Variants in NDST3 observed in about 807,000 individuals in gnomAD.
NDST3 encodes the protein bifunctional heparan sulfate N-deacetylase/N-sulfotransferase 3.
Under a neutral mutation model 96.1 loss-of-function variants are expected in NDST3, and 58 were observed. The ratio of observed to expected loss-of-function variants is 0.60; its 90% CI spans 0.49 to 0.75. NDST3 has a LOEUF of 0.75. Among genes scored for constraint, NDST3 ranks in the 30% least tolerant of loss-of-function variants. The pLI, the probability that NDST3 is intolerant of heterozygous loss-of-function variation, is 0.00. For missense variants in NDST3, 788 were observed against 1,034.2 expected, an observed-to-expected ratio of 0.76 and a Z score of 3.27; for synonymous variants, 333 against 359.7, an observed-to-expected ratio of 0.93 and a Z score of 0.84.
intron 4 of NDST3, among the ~76,000 whole-genome samples, chr4:118,126,988 T>C (rs1275366534): frequency 6.6e-6 from 1 of 152,106 alleles, no homozygotes; most frequent in Non-Finnish European, 1.5e-5. Context: ...CATTTGTATG[T>C]ATTCTTTTGA....
intron 12 of NDST3, among the ~76,000 whole-genome samples, chr4:118,251,125 A>ATTTTTTTTTTTTTTTTTTTTTTTT (rs370800744): frequency 8.9e-6 from 1 of 111,742 alleles, no homozygotes. Context: ...TATTATTTTT[A>ATTTTTTTTTTTTTTTTTTTTTTTT]TTTTATTTTT....
Position 118,240,440 on chromosome 4 carries a change from C to T in NDST3, c.2119-84C>T, listed in dbSNP as rs914083076. 6.6e-6 allele frequency: 8 copies of T among 1,208,678 alleles called. No individual in the cohort carries two copies. In the African/African-American group the frequency reaches 1.2e-4, roughly 18 times the overall value. 74.9% of individuals were successfully genotyped at this position (1,208,678 alleles called of 1,614,324 possible). ...AGCAGTGAGGCACTTCTTTCTTTAG[C>T]TTTGAGACTTGTCACAAAGATTGAT... On this transcript the variant is annotated intron_variant, in intron 10 of 13. Transcript: ENST00000296499.
intron 6 of NDST3, among the ~76,000 whole-genome samples, chr4:118,173,159 T>C (rs1426098454): frequency 6.6e-6 from 1 of 151,858 alleles, no homozygotes; most frequent in African/African-American, 2.4e-5. Flanking sequence ...TGTGTGTATA[T>C]ATATATATGA....
intron 3 of NDST3, among the ~76,000 whole-genome samples, chr4:118,113,649 A>G (rs967557970): frequency 6.6e-6 from 1 of 152,192 alleles, no homozygotes; most frequent in Admixed American, 6.5e-5. Context: ...GGTTTAGTTG[A>G]CTGGTCCAGG....
At chr4:118,094,592 C>A (rs554334767) in intron 2 of NDST3, among the ~76,000 whole-genome samples, 1 of 151,804 alleles carries the variant, frequency 6.6e-6, no homozygotes, top group Admixed American at 6.6e-5. Flanking sequence ...CCTTTAGTTA[C>A]CCTATACAAA....
intron 12 of NDST3, 91 bp downstream of exon 12, chr4:118,242,240 T>C: frequency 1.3e-6 from 1 of 795,398 alleles, no homozygotes. Flanking sequence ...GTCAGGTTAC[T>C]TGTTCCTTAT....
At chr4:118,218,314 T>C (rs2125990758) in intron 6 of NDST3, among the ~76,000 whole-genome samples, 1 of 152,140 alleles carries the variant, frequency 6.6e-6, no homozygotes, top group East Asian at 1.9e-4. Context: ...ACAAACCAGA[T>C]CCAGCAGCAC....
intron 6 of NDST3, among the ~76,000 whole-genome samples, chr4:118,215,660 G>A (rs1477579807): frequency 6.6e-6 from 1 of 152,090 alleles, no homozygotes; most frequent in African/African-American, 2.4e-5. Context: ...GAAAACAGAG[G>A]AATATGTGAT....
intron 12 of NDST3, among the ~76,000 whole-genome samples, chr4:118,243,404 G>A (rs1741125905): frequency 6.6e-6 from 1 of 152,160 alleles, no homozygotes; most frequent in Non-Finnish European, 1.5e-5. Context: ...GCAGTTTTGA[G>A]CTTCCTTCCT....
chr4:118,133,478 C>T (rs1452007331), intron 4 of NDST3, among the ~76,000 whole-genome samples: 2 of 152,204 alleles, frequency 1.3e-5, no homozygotes, highest in African/African-American at 4.8e-5. Flanking sequence ...AAGACTGTCT[C>T]TCCAACCCTC....
chr4:118,244,652 G>A (rs1020779874), intron 12 of NDST3, among the ~76,000 whole-genome samples: 1 of 152,126 alleles, frequency 6.6e-6, no homozygotes, highest in East Asian at 1.9e-4. Flanking sequence ...GTGTGAAAGA[G>A]TACTCCAATT....
At chr4:118,041,749 C>A (rs1724478163) in intron 1 of NDST3, among the ~76,000 whole-genome samples, 1 of 152,164 alleles carries the variant, frequency 6.6e-6, no homozygotes, top group Admixed American at 6.5e-5. Flanking sequence ...CGAACATATT[C>A]ATCACTATAC....
chr4:118,171,386 C>A (rs1002650216), intron 6 of NDST3, among the ~76,000 whole-genome samples: 1 of 152,208 alleles, frequency 6.6e-6, no homozygotes, highest in Non-Finnish European at 1.5e-5. Context: ...TGCTCAGCTT[C>A]AATCTTACCT....
chr4:118,158,228 T>C (rs1340491235), intron 6 of NDST3, among the ~76,000 whole-genome samples: 4 of 152,170 alleles, frequency 2.6e-5, no homozygotes, highest in Admixed American at 6.6e-5. Flanking sequence ...TTCTAAATAC[T>C]ATTTCTCCCC....
chr4:118,186,313 G>A (rs533513097), intron 6 of NDST3, among the ~76,000 whole-genome samples: 1 of 152,158 alleles, frequency 6.6e-6, no homozygotes, highest in South Asian at 2.1e-4. Context: ...CTCTGTATTA[G>A]TCAGAGTTCT....
At chr4:118,202,712 T>C (rs1738170896) in intron 6 of NDST3, among the ~76,000 whole-genome samples, 1 of 152,238 alleles carries the variant, frequency 6.6e-6, no homozygotes, top group African/African-American at 2.4e-5. Flanking sequence ...TAGGAGACTA[T>C]TGGCAAAGTC....
At position 118,143,704 on chromosome 4, in the gene NDST3, A is replaced by G. The variant is rs750389120; in HGVS notation, c.1539+20A>G. ...AACCCTGTAAGTACTTTATTCTCCAAATAAATAGTGAAAAATGATAGGGCT... is the reference window on the plus strand; with the variant it reads ...AACCCTGTAAGTACTTTATTCTCCAGATAAATAGTGAAAAATGATAGGGCT... On this transcript the variant is annotated intron_variant, in intron 6 of 13. Transcript: ENST00000296499. 2.6e-6 allele frequency: 4 copies of G among 1,562,920 alleles called. No individual in the cohort carries two copies. In the East Asian group the frequency reaches 6.9e-5, roughly 27 times the overall value.
At chr4:118,180,158 G>A (rs78231230) in intron 6 of NDST3, among the ~76,000 whole-genome samples, 2,269 of 152,126 alleles carry the variant, frequency 0.015, 53 homozygotes, top group African/African-American at 0.052. Flanking sequence ...TTAACTGAGT[G>A]TATTTCCTGA....
At chr4:118,221,636 A>T (rs1739552253) in intron 6 of NDST3, among the ~76,000 whole-genome samples, 7 of 152,068 alleles carry the variant, frequency 4.6e-5, no homozygotes, top group Admixed American at 4.6e-4. Context: ...TTACACTTTG[A>T]CAAACAGTAT....
Sources: allele counts gnomAD v4.1 joint callset (sites outside exome capture counted in the v4.1 genomes callset), GRCh38; gene constraint gnomAD v4.1.1; transcripts MANE v1.5; gene names NCBI Gene and HGNC (gene_info 2026-07-23, HGNC 2026-07-21).